E4F1: variants seen among roughly 807,000 people sequenced by gnomAD.
The protein encoded by E4F1 is transcription factor E4F1.
A neutral mutation model predicts 72.9 loss-of-function variants in E4F1; 30 were observed. The observed-to-expected ratio is 0.41, with a 90% CI of 0.31 to 0.56. E4F1 has a LOEUF of 0.56. Ranked by LOEUF, E4F1 falls within the 20% of genes least tolerant of loss-of-function variation. The pLI, the probability that E4F1 is intolerant of heterozygous loss-of-function variation, is 0.25. For synonymous variants in E4F1, 542 were observed against 478.2 expected (o/e 1.13, Z -1.74); for missense variants, 1,091 against 1,117.5 (o/e 0.98, Z 0.34).
chr16:2,230,634 G>C (rs1007064061), intron 3 of E4F1: 2 of 152,370 alleles, frequency 1.3e-5, no homozygotes, highest in Non-Finnish European at 2.9e-5. Flanking sequence ...AGGAAGAGGG[G>C]GTGGAGGAGC....
chr16:2,228,391 A>G lies in E4F1; in HGVS notation c.177A>G (p.Arg59=), dbSNP rs772194830. 20 of 1,613,818 alleles carry G rather than the reference A, an allele frequency of 1.2e-5. No homozygotes were observed. The Admixed American group carries it at 2.8e-4, about 23-fold the overall frequency. The change falls in exon 2 of 14, where the codon AGA becomes AGG. Residue 59 remains arginine (R), a synonymous_variant. Coordinates refer to ENST00000301727, the MANE Select transcript of E4F1 (RefSeq NM_004424.5). ...FSEEDEDDVH[R]CGRCQAEFTA... ...TTGCAGATGAGGACGATGTGCACAG[A>G]TGCGGCCGCTGCCAGGCAGAGTTCA...
At chr16:2,231,730 C>G in intron 3 of E4F1, 1 of 170,188 alleles carries the variant, frequency 5.9e-6, no homozygotes, top group Non-Finnish European at 1.3e-5. Context: ...AGTGGCCCAG[C>G]CCATCTCCTC....
rs982072745 is a variant in E4F1 at position 2,223,706 on chromosome 16, G to C, written c.93G>C (p.Ala31=). Reference sequence around the variant, plus strand: ...GGGAAGCGGGCGAGGGTGCAGTTGCGGCGGTGGCGGCGGCCTTGGCCCCCA... The same window carrying C: ...GGGAAGCGGGCGAGGGTGCAGTTGCCGCGGTGGCGGCGGCCTTGGCCCCCA... The part of the protein sequence containing the change: ...AGREAGEGAV[A]AVAAALAPSG... The change falls in exon 1 of 14, where the codon GCG becomes GCC. Residue 31 remains alanine, a synonymous_variant. Coordinates refer to ENST00000301727, the MANE Select transcript of E4F1 (RefSeq NM_004424.5). 1 of 1,561,222 alleles carries C rather than the reference G, an allele frequency of 6.4e-7. No individual in the cohort carries two copies. Among genetic ancestry groups the C allele is most frequent in the African/African-American group, 1.4e-5 (1 of 70,666 alleles).
At position 2,232,920 on chromosome 16, in the gene E4F1, G is replaced by A; in HGVS notation, c.883+12G>A. Reference sequence around the variant, plus strand: ...GGACGCACGTGCAGGTCAGCATGGTGCGGGCAGCTGCCTGGTCCTGGGGGC... The same window carrying A: ...GGACGCACGTGCAGGTCAGCATGGTACGGGCAGCTGCCTGGTCCTGGGGGC... On this transcript the variant is annotated intron_variant, in intron 6 of 13. Transcript: ENST00000301727. The A allele has an allele frequency of 6.2e-7, 1 of 1,613,188 alleles. No homozygotes were observed. The highest frequency in any genetic ancestry group is 8.5e-7 in the Non-Finnish European group (1 of 1,179,972).
rs952933440 is a variant in E4F1, at chr16:2,234,634, T to G, written c.1645T>G (p.Cys549Gly). 1.2e-6 allele frequency: 2 copies of G among 1,601,410 alleles called. No homozygotes were observed. Among genetic ancestry groups the G allele is most frequent in the Non-Finnish European group, 1.7e-6 (2 of 1,174,424 alleles). The change falls in exon 11 of 14, where the codon TGC becomes GGC. Residue 549 changes from cysteine (C) to glycine (G), a missense_variant. Physicochemically the swap from Cys to Gly is radical, Grantham distance 159. This residue lies in a region of E4F1 where 622 missense variants were observed against 628.0 expected (regional missense o/e 0.99). Transcript: ENST00000301727. Reference sequence around the variant, plus strand: ...ACACCTGGAGGAGAAGCCGCACGTGTGCCAGTTCTGCAGCCGTGGCTTCCG... The same window carrying G: ...ACACCTGGAGGAGAAGCCGCACGTGGGCCAGTTCTGCAGCCGTGGCTTCCG... ...RTHLEEKPHV[C>G]QFCSRGFREK...
chr16:2,228,176 C>A (rs950984928), intron 1 of E4F1, 196 bp from the exon 2 acceptor site: 28 of 709,640 alleles, frequency 3.9e-5, no homozygotes, highest in Non-Finnish European at 2.9e-5. Context: ...CCCCTGCAGA[C>A]CTGCAGAGGA....
intron 3 of E4F1, chr16:2,230,306 C>T (rs2093459575): frequency 1.3e-5 from 2 of 153,644 alleles, no homozygotes; most frequent in African/African-American, 2.4e-5. Flanking sequence ...GTTGCGAGGT[C>T]TGGATGGGCA....
chr16:2,234,544 T>C (rs1292606317), intron 10 of E4F1, 39 bp from the exon 11 acceptor site: 2 of 1,557,272 alleles, frequency 1.3e-6, no homozygotes, highest in Non-Finnish European at 1.7e-6. Flanking sequence ...TAGTCTGTTG[T>C]GGCCAAGGCC....
Position 2,235,117 on chromosome 16 carries a change from G to A in E4F1, c.1972G>A (p.Glu658Lys). The A allele has an allele frequency of 6.2e-7, 1 of 1,612,412 alleles. No individual in the cohort carries two copies. The highest frequency in any genetic ancestry group is 8.5e-7 in the Non-Finnish European group (1 of 1,179,938). ...CGATGCGGAGACCAGTGAGGCCACG[G>A]AGATCATCGAGGGCACCCAGACAGA... ...ADDAETSEAT[E>K]IIEGTQTEVD... Residue 658 changes from glutamate (E) to lysine (K), a missense_variant, in exon 13 of 14, where the codon GAG (glutamate) becomes AAG (lysine). Glu to Lys is a moderately conservative substitution (Grantham distance 56). Coordinates refer to ENST00000301727, the MANE Select transcript of E4F1 (RefSeq NM_004424.5).
Position 2,234,341 on chromosome 16 carries a change from G to A in E4F1, c.1546G>A (p.Glu516Lys), listed in dbSNP as rs762096053. ...VRGHRRVHSD[E>K]RPYPCPKCGK... ...TGGCCACCGGCGCGTCCACTCAGAC[G>A]AGCGGCCCTACCCTTGTCCCAAGTG... Residue 516 changes from glutamate (E) to lysine (K), a missense_variant, in exon 10 of 14, where the codon GAG becomes AAG. Transcript: ENST00000301727. 6.2e-6 allele frequency: 10 copies of A among 1,612,862 alleles called. No homozygotes were observed. The highest frequency in any genetic ancestry group is 1.3e-5 in the African/African-American group (1 of 74,936).
Position 2,234,725 on chromosome 16 carries a change from A to C in E4F1, c.1736A>C (p.Lys579Thr). 1 of 1,559,948 alleles carries C rather than the reference A, an allele frequency of 6.4e-7. No homozygotes were observed. Among genetic ancestry groups the C allele is most frequent in the Non-Finnish European group, 8.7e-7 (1 of 1,152,588 alleles). Residue 579 changes from lysine (K) to threonine (T), a missense_variant, in exon 11 of 14, where the codon AAG becomes ACG. Physicochemically the swap from Lys to Thr is moderately conservative, Grantham distance 78. Transcript: ENST00000301727. ...GGCGAGAAGCCGTTCAAGTGCTACA[A>C]GTGCGGCCGTGGCTTCGCCGAGCAC... Reference protein sequence around the residue: ...HTGEKPFKCYKCGRGFAEHGT... With the variant: ...HTGEKPFKCYTCGRGFAEHGT...
rs1294181048 is a variant in E4F1 at position 2,232,309 on chromosome 16, T to C, written c.554T>C (p.Leu185Pro). 1.9e-6 allele frequency: 3 copies of C among 1,610,840 alleles called. No individual in the cohort carries two copies. ...GEGEQAQVKL[L>P]VNKDGRYVCA... ...GGTGAGCAGGCCCAGGTGAAGCTAC[T>C]GGTGAACAAGGATGGCCGCTATGTG... The change falls in exon 4 of 14, where the codon CTG becomes CCG. Residue 185 changes from leucine (L) to proline (P), a missense_variant. Transcript: ENST00000301727.
In E4F1 at chr16:2,232,467, C is replaced by T; in HGVS notation, c.621C>T (p.Leu207=). Residue 207 remains leucine (L), a synonymous_variant, in exon 5 of 14, where the codon CTC becomes CTT. Transcript: ENST00000301727. ...CHKTFKTGSI[L]KAHMVTHSSR... is the part of the protein sequence containing the mutation. Reference sequence around the variant, plus strand: ...GCCCTCCCCCACAGGGCAGCATCCTCAAGGCCCACATGGTCACTCACAGCA... The same window carrying T: ...GCCCTCCCCCACAGGGCAGCATCCTTAAGGCCCACATGGTCACTCACAGCA... The T allele has an allele frequency of 6.2e-7, 1 of 1,610,854 alleles. No individual in the cohort carries two copies. The highest frequency in any genetic ancestry group is 1.7e-5 in the Admixed American group (1 of 59,686).
At position 2,234,334 on chromosome 16, in the gene E4F1, C is replaced by T; in HGVS notation, c.1539C>T (p.His513=). ...ATGTGCGTGGCCACCGGCGCGTCCA[C>T]TCAGACGAGCGGCCCTACCCTTGTC... ...IAHVRGHRRV[H]SDERPYPCPK... The change falls in exon 10 of 14, where the codon CAC becomes CAT. Residue 513 remains histidine, a synonymous_variant. Coordinates refer to ENST00000301727, the MANE Select transcript of E4F1 (RefSeq NM_004424.5). The T allele has an allele frequency of 6.2e-7, 1 of 1,613,006 alleles. No homozygotes were observed. Among genetic ancestry groups the T allele is most frequent in the Non-Finnish European group, 8.5e-7 (1 of 1,180,002 alleles).
In E4F1 at chr16:2,235,489, G is replaced by A; in HGVS notation, c.2272G>A (p.Asp758Asn). 1 of 1,611,568 alleles carries A rather than the reference G, an allele frequency of 6.2e-7. No individual in the cohort carries two copies. Residue 758 changes from aspartate (D) to asparagine (N), a missense_variant, in exon 14 of 14, where the codon GAC becomes AAC. Around this residue, in one of 5 missense-constraint regions of E4F1, gnomAD observed 622 missense variants for 628.0 expected, o/e 0.99. Transcript: ENST00000301727. The stretch of plus-strand genomic sequence containing the variant: ...CACTGTGACCATGGTGTCATCAGAG[G>A]ACATCGAGATCCTGGAGCATGCAGG... Reference protein sequence around the residue: ...QATVTMVSSEDIEILEHAGEL... With the variant: ...QATVTMVSSENIEILEHAGEL...
Position 2,223,627 on chromosome 16 carries a change from T to A in E4F1, c.14T>A (p.Met5Lys). MEGAMAVRVTAAHTA... is the reference protein window; with the variant it reads MEGAKAVRVTAAHTA... ...GCGCGTTGCGACATGGAGGGCGCGA[T>A]GGCAGTGCGGGTGACGGCCGCTCAT... is the stretch of plus-strand genomic sequence containing the variant. Residue 5 changes from methionine to lysine, a missense_variant, in exon 1 of 14, where the codon ATG becomes AAG. By Grantham distance (95) the Met-to-Lys change is moderately conservative. Around this residue, in one of 5 missense-constraint regions of E4F1, gnomAD observed 362 missense variants for 358.6 expected, o/e 1.01. Coordinates refer to ENST00000301727, the MANE Select transcript of E4F1 (RefSeq NM_004424.5). 2 of 1,589,926 alleles carry A rather than the reference T, an allele frequency of 1.3e-6. No homozygotes were observed. Among genetic ancestry groups the A allele is most frequent in the South Asian group, 2.2e-5 (2 of 89,978 alleles).
At position 2,234,938 on chromosome 16, in the gene E4F1, C is replaced by T. The variant is rs147071848; in HGVS notation, c.1872C>T (p.Asp624=). The T allele has an allele frequency of 4.2e-3, 6,645 of 1,574,404 alleles. 17 individuals carry two copies. The highest frequency in any genetic ancestry group is 5.1e-3 in the Non-Finnish European group (5,956 of 1,159,784). The change falls in exon 12 of 14, where the codon GAC becomes GAT. Residue 624 remains aspartate, a synonymous_variant. Coordinates refer to ENST00000301727, the MANE Select transcript of E4F1 (RefSeq NM_004424.5). The part of the protein sequence containing the change: ...PAAATTVLTE[D]PHTVLVEFSS... The stretch of plus-strand genomic sequence containing the variant: ...CAGCCACCACCGTCCTCACGGAAGA[C>T]CCGCACACAGTGTTGGTGGAGTTCT...
chr16:2,227,686 A>G (rs1215017340), intron 1 of E4F1, among the ~76,000 whole-genome samples: 1 of 152,096 alleles, frequency 6.6e-6, no homozygotes, highest in Non-Finnish European at 1.5e-5. Context: ...TTTTTAGTAG[A>G]GATGGGATTT....
intron 5 of E4F1, 25 bp from the exon 6 acceptor site, chr16:2,232,731 G>A (rs1476879550): frequency 1.1e-5 from 17 of 1,612,106 alleles, no homozygotes; most frequent in African/African-American, 2.7e-5. Context: ...GGGGCTGCCC[G>A]GGGCTGACTA....
Sources: allele counts gnomAD v4.1 joint callset (sites outside exome capture counted in the v4.1 genomes callset), GRCh38; gene constraint gnomAD v4.1.1; regional missense constraint gnomAD v4.1.1; transcripts MANE v1.5; gene names NCBI Gene and HGNC (gene_info 2026-07-23, HGNC 2026-07-21).